Variants in GLP1R observed in about 807,000 individuals in gnomAD.
GLP1R encodes the protein glucagon like peptide 1 receptor.
In GLP1R, 32 loss-of-function variants were observed where a neutral mutation model predicts 68.4. That is an observed-to-expected ratio of 0.47 (90% CI 0.35 to 0.63). The LOEUF is 0.63. Ranked by LOEUF, GLP1R falls within the 20% of genes least tolerant of loss-of-function variation. The pLI is 0.00. For missense variants in GLP1R, 502 were observed against 594.9 expected (o/e 0.84, Z 1.62); for synonymous variants, 263 against 244.4 (o/e 1.08, Z -0.71).
rs186293522 is a variant in GLP1R, at chr6:39,088,065, A to T, written c.*1992A>T. Among the ~76,000 whole-genome samples, 41 of 152,298 alleles carry T rather than the reference A, an allele frequency of 2.7e-4. No individual in the cohort carries two copies. The highest frequency in any genetic ancestry group is 2.4e-3 in the Admixed American group (37 of 15,302). On this transcript the variant is annotated 3_prime_UTR_variant, in exon 13 of 13. Coordinates refer to ENST00000373256, the MANE Select transcript of GLP1R (RefSeq NM_002062.5). ...CTGTGTGAAATAAATTGCTGAGGAG[A>T]GGGATTGTAGGGAAGAAGTTGCTTA...
intron 8 of GLP1R, 72 bp from the exon 9 acceptor site, chr6:39,078,885 C>G (rs1768911004): frequency 7.5e-7 from 1 of 1,332,188 alleles, no homozygotes; most frequent in Admixed American, 1.7e-5. Flanking sequence ...TTGGCGGCCT[C>G]TGTGCCTGCA....
intron 3 of GLP1R, among the ~76,000 whole-genome samples, chr6:39,064,424 A>G (rs909987913): frequency 6.6e-6 from 1 of 152,126 alleles, no homozygotes; most frequent in African/African-American, 2.4e-5. Context: ...CACAGCTGGG[A>G]AAACTGGTCT....
At position 39,048,901 on chromosome 6, in the gene GLP1R, G is replaced by A; in HGVS notation, c.61G>A (p.Ala21Thr). 1 of 1,420,302 alleles carries A rather than the reference G, an allele frequency of 7.0e-7. No homozygotes were observed. Among genetic ancestry groups the A allele is most frequent in the South Asian group, 1.5e-5 (1 of 68,724 alleles). The allele number at this position is 1,420,302 out of a possible 1,614,324, so 88.0% of individuals were successfully genotyped here. A position where few individuals can be genotyped will look rare whatever the true frequency, so the allele number is the denominator to read the frequency against. ...GCTGCTGCTCGGGATGGTGGGCAGG[G>A]CCGGCCCCCGCCCCCAGGTGAGATC... ...ALLLLGMVGR[A>T]GPRPQGATVS... Residue 21 changes from alanine (A) to threonine (T), a missense_variant, in exon 1 of 13, where the codon GCC becomes ACC. Ala to Thr is a moderately conservative substitution (Grantham distance 58). Transcript: ENST00000373256.
chr6:39,074,547 C>T (rs1294791041), intron 7 of GLP1R, among the ~76,000 whole-genome samples: 1 of 152,056 alleles, frequency 6.6e-6, no homozygotes, highest in East Asian at 1.9e-4. Context: ...CCTAATCTGC[C>T]ATTGAATCCA....
At chr6:39,051,700 A>T (rs1013187598) in intron 1 of GLP1R, among the ~76,000 whole-genome samples, 8 of 152,028 alleles carry the variant, frequency 5.3e-5, no homozygotes, top group Admixed American at 5.2e-4. Flanking sequence ...GAGACAGACC[A>T]GGGGGAGAAG....
chr6:39,048,920 TGA>T lies in GLP1R; in HGVS notation c.78+5_78+6del. 7.4e-7 allele frequency: 1 copy of T among 1,349,710 alleles called. No homozygotes were observed. The highest frequency in any genetic ancestry group is 9.7e-7 in the Non-Finnish European group (1 of 1,027,210). 83.6% of individuals were successfully genotyped at this position (1,349,710 alleles called of 1,614,324 possible). A position where few individuals can be genotyped will look rare whatever the true frequency, so the allele number is the denominator to read the frequency against. On this transcript the variant is annotated splice_donor_region_variant and intron_variant, in intron 1 of 12. Transcript: ENST00000373256. Reference sequence around the variant, plus strand: ...GGCAGGGCCGGCCCCCGCCCCCAGGTGAGATCCAGGGACCCCGACGACACCGG... The same window carrying T: ...GGCAGGGCCGGCCCCCGCCCCCAGGTGATCCAGGGACCCCGACGACACCGG...
intron 12 of GLP1R, among the ~76,000 whole-genome samples, chr6:39,084,083 A>G (rs1769084320): frequency 1.3e-5 from 2 of 152,108 alleles, no homozygotes; most frequent in South Asian, 2.1e-4. Context: ...GACAAGCAGG[A>G]CTGCAAGAGC....
intron 7 of GLP1R, among the ~76,000 whole-genome samples, chr6:39,077,130 A>G (rs1768852467): frequency 6.6e-6 from 1 of 152,210 alleles, no homozygotes; most frequent in Non-Finnish European, 1.5e-5. Context: ...TCTCGGTTCA[A>G]CTTAGCTGGG....
intron 8 of GLP1R, 150 bp downstream of exon 8, chr6:39,078,532 T>TCCCTGCCCCTGC: frequency 4.4e-6 from 3 of 674,934 alleles, no homozygotes; most frequent in South Asian, 1.7e-5. Context: ...TAATCTCCCC[T>TCCCTGCCCCTGC]CCCTGCCCCT....
chr6:39,058,919 GC>G (rs1452982495), intron 3 of GLP1R, among the ~76,000 whole-genome samples: 5 of 152,230 alleles, frequency 3.3e-5, no homozygotes, highest in African/African-American at 1.2e-4. Flanking sequence ...GCAGCAACTG[GC>G]CCAGAAACAA....
chr6:39,051,588 A>C (rs1162323150), intron 1 of GLP1R, among the ~76,000 whole-genome samples: 1 of 152,182 alleles, frequency 6.6e-6, no homozygotes, highest in African/African-American at 2.4e-5. Flanking sequence ...CACCAAGGCA[A>C]AACAGGCTTC....
intron 3 of GLP1R, among the ~76,000 whole-genome samples, chr6:39,061,874 G>T (rs995101006): frequency 2.0e-5 from 3 of 152,180 alleles, no homozygotes; most frequent in Non-Finnish European, 4.4e-5. Context: ...CCTAAGCCCT[G>T]ATGCTCTACA....
intron 3 of GLP1R, among the ~76,000 whole-genome samples, chr6:39,061,296 A>G (rs1446104682): frequency 6.6e-6 from 1 of 152,154 alleles, no homozygotes; most frequent in Non-Finnish European, 1.5e-5. Context: ...GGCTTCAGAG[A>G]GCCTGTTGGC....
At chr6:39,076,644 C>T (rs1397695919) in intron 7 of GLP1R, among the ~76,000 whole-genome samples, 1 of 152,098 alleles carries the variant, frequency 6.6e-6, no homozygotes, top group Non-Finnish European at 1.5e-5. Flanking sequence ...GGCAGAGATT[C>T]CCAAAGTCAT....
intron 5 of GLP1R, among the ~76,000 whole-genome samples, chr6:39,071,268 C>T (rs959377918): frequency 3.2e-4 from 47 of 145,822 alleles, no homozygotes; most frequent in Non-Finnish European, 5.4e-4. Context: ...ATCACTTGAA[C>T]CCAGGAGGTG....
Position 39,079,144 on chromosome 6 carries a change from C to T in GLP1R, c.987C>T (p.Cys329=), listed in dbSNP as rs777575741. 1.7e-5 allele frequency: 27 copies of T among 1,613,976 alleles called. No individual in the cohort carries two copies. The change falls in exon 10 of 13, where the codon TGC becomes TGT. Residue 329 remains cysteine (C), a synonymous_variant. Transcript: ENST00000373256. The surrounding 1 kb of genome is among the most constrained non-coding windows in gnomAD (Gnocchi z 4.5). The stretch of plus-strand genomic sequence containing the variant: ...TCCTCATCTTTGTTCGGGTCATCTG[C>T]ATCGTGGTATCCAAACTGAAGGCCA... ...VNFLIFVRVI[C]IVVSKLKANL... is the part of the protein sequence containing the mutation.
chr6:39,064,644 T>A (rs1454208401), intron 3 of GLP1R, among the ~76,000 whole-genome samples: 1 of 152,136 alleles, frequency 6.6e-6, no homozygotes, highest in Admixed American at 6.5e-5. Context: ...TGGACACAAG[T>A]AAGCAGTGGC....
intron 1 of GLP1R, among the ~76,000 whole-genome samples, chr6:39,053,040 G>A (rs533464837): frequency 3.3e-5 from 5 of 152,086 alleles, no homozygotes; most frequent in Non-Finnish European, 5.9e-5. Context: ...TCGTCTCCAC[G>A]TGCCTTCATC....
chr6:39,078,521 C>T, intron 8 of GLP1R, 139 bp downstream of exon 8: 1 of 700,616 alleles, frequency 1.4e-6, no homozygotes, highest in Non-Finnish European at 2.6e-6. Flanking sequence ...ATTTAGTTCT[C>T]TAATCTCCCC....
Sources: allele counts gnomAD v4.1 joint callset (sites outside exome capture counted in the v4.1 genomes callset), GRCh38; gene constraint gnomAD v4.1.1; non-coding constraint Gnocchi (gnomAD v3.1); transcripts MANE v1.5; gene names NCBI Gene and HGNC (gene_info 2026-07-23, HGNC 2026-07-21).